WWOX: variants seen among roughly 807,000 people sequenced by gnomAD.
WWOX encodes the protein WW domain containing oxidoreductase.
In WWOX, 69 loss-of-function variants were observed where a neutral mutation model predicts 46.2. The observed-to-expected ratio is 1.49, with a 90% confidence interval of 1.23 to 1.82. The LOEUF is 1.82. WWOX is among the 40% of genes most tolerant of loss of function. The pLI is 0.00. For synonymous variants in WWOX, 359 were observed against 202.6 expected, an observed-to-expected ratio of 1.77 and a Z score of -6.56; for missense variants, 919 against 542.6, an observed-to-expected ratio of 1.69 and a Z score of -6.89.
intron 8 of WWOX, among the ~76,000 whole-genome samples, chr16:78,841,161 G>A (rs539366705): frequency 5.9e-5 from 9 of 152,122 alleles, no homozygotes; most frequent in South Asian, 2.1e-4. Flanking sequence ...GATACACAAC[G>A]TGCACTGGGT....
Position 78,484,368 on chromosome 16 carries a change from A to C in WWOX, c.1056+51616A>C, listed in dbSNP as rs180953285. Among the ~76,000 whole-genome samples, 359 of 152,206 alleles carry C rather than the reference A, an allele frequency of 2.4e-3. 1 individual carries two copies. The highest frequency in any genetic ancestry group is 2.6e-3 in the Non-Finnish European group (177 of 68,024). ...CAAGTATACCTATTCCCCAGAGTTT[A>C]CTTACAGTTTGCTATTGATCCAGCA... On this transcript the variant is annotated intron_variant, in intron 8 of 8. Coordinates refer to ENST00000566780, the MANE Select transcript of WWOX (RefSeq NM_016373.4).
intron 8 of WWOX, among the ~76,000 whole-genome samples, chr16:78,865,177 ATGTT>A (rs1265407842): frequency 6.6e-6 from 1 of 152,144 alleles, no homozygotes; most frequent in Non-Finnish European, 1.5e-5. Context: ...TAAAGGTTGT[ATGTT>A]TGTGCGATGG....
intron 8 of WWOX, among the ~76,000 whole-genome samples, chr16:78,492,269 C>G (rs1369367761): frequency 6.6e-6 from 1 of 152,194 alleles, no homozygotes; most frequent in African/African-American, 2.4e-5. Context: ...GACACTCATT[C>G]CGAAGGCGGG....
At chr16:79,126,032 G>C (rs1336358384) in intron 8 of WWOX, among the ~76,000 whole-genome samples, 1 of 152,118 alleles carries the variant, frequency 6.6e-6, no homozygotes, top group Non-Finnish European at 1.5e-5. Flanking sequence ...TGAATGAATG[G>C]ATAAACATGT....
chr16:78,993,533 G>A (rs552078310), intron 8 of WWOX, among the ~76,000 whole-genome samples: 6 of 152,274 alleles, frequency 3.9e-5, no homozygotes, highest in African/African-American at 1.4e-4. Flanking sequence ...CTCAAAGGAG[G>A]ACTATTACAG....
chr16:78,890,217 A>T (rs988012514), intron 8 of WWOX: 1 of 151,986 alleles, frequency 6.6e-6, no homozygotes, highest in Non-Finnish European at 1.5e-5. Flanking sequence ...CTATTCTTGA[A>T]ATGCAATTGC....
At chr16:78,391,019 G>A (rs564729837) in intron 6 of WWOX, among the ~76,000 whole-genome samples, 1 of 152,258 alleles carries the variant, frequency 6.6e-6, no homozygotes, top group African/African-American at 2.4e-5. Flanking sequence ...CTCCACACTG[G>A]GATAGGCAGC....
chr16:78,795,600 G>T (rs1209716836), intron 8 of WWOX, among the ~76,000 whole-genome samples: 1 of 152,136 alleles, frequency 6.6e-6, no homozygotes, highest in Non-Finnish European at 1.5e-5. Flanking sequence ...TGCTTTCTTG[G>T]AGCACCACGC....
intron 8 of WWOX, among the ~76,000 whole-genome samples, chr16:79,088,286 G>A (rs775754451): frequency 1.5e-4 from 23 of 152,170 alleles, no homozygotes; most frequent in Non-Finnish European, 3.1e-4. Flanking sequence ...AAGGGAGGAC[G>A]CAGAGCATTG....
At chr16:78,579,817 C>G (rs947959546) in intron 8 of WWOX, among the ~76,000 whole-genome samples, 1 of 152,126 alleles carries the variant, frequency 6.6e-6, no homozygotes, top group African/African-American at 2.4e-5. Flanking sequence ...ATACCTGGAA[C>G]ATGATGGTGC....
intron 1 of WWOX, among the ~76,000 whole-genome samples, chr16:78,107,409 C>T (rs76486101): frequency 0.019 from 2,868 of 152,314 alleles, 98 homozygotes; most frequent in African/African-American, 0.065. Context: ...TAACAGCTTA[C>T]ATTTCTCAGA....
intron 8 of WWOX, among the ~76,000 whole-genome samples, chr16:79,149,157 C>G (rs948536269): frequency 6.6e-6 from 1 of 152,098 alleles, no homozygotes; most frequent in Non-Finnish European, 1.5e-5. Context: ...AAATTTGATG[C>G]TAGCTGTAAA....
chr16:78,334,231 G>A (rs975311997), intron 5 of WWOX, among the ~76,000 whole-genome samples: 1 of 152,162 alleles, frequency 6.6e-6, no homozygotes, highest in Admixed American at 6.5e-5. Context: ...ACAAACTGCG[G>A]CTCGTACAAA....
At chr16:78,921,882 A>G (rs550553794) in intron 8 of WWOX, among the ~76,000 whole-genome samples, 13 of 152,330 alleles carry the variant, frequency 8.5e-5, no homozygotes, top group African/African-American at 3.1e-4. Context: ...CACTTAGCAG[A>G]AGCTATTGTA....
intron 8 of WWOX, among the ~76,000 whole-genome samples, chr16:78,854,928 A>C (rs1597725567): frequency 6.6e-6 from 1 of 151,310 alleles, no homozygotes; most frequent in African/African-American, 2.4e-5. Context: ...TTTTTTAACA[A>C]AACTTTAAAA....
chr16:78,375,496 G>C (rs1198812618), intron 5 of WWOX, among the ~76,000 whole-genome samples: 1 of 152,210 alleles, frequency 6.6e-6, no homozygotes, highest in East Asian at 1.9e-4. Context: ...GCTATTGACT[G>C]TGCATCAGGT....
intron 8 of WWOX, among the ~76,000 whole-genome samples, chr16:78,641,437 C>T (rs2046708576): frequency 6.6e-6 from 1 of 152,080 alleles, no homozygotes; most frequent in Non-Finnish European, 1.5e-5. Context: ...ACTGGCGAGT[C>T]AGAAAGCAGC....
chr16:78,670,186 C>T (rs2047426413), intron 8 of WWOX, among the ~76,000 whole-genome samples: 1 of 152,266 alleles, frequency 6.6e-6, no homozygotes, highest in Admixed American at 6.5e-5. Context: ...CTTTCACCAG[C>T]AGGTCCAGCT....
At chr16:78,926,290 C>T (rs368115502) in intron 8 of WWOX, among the ~76,000 whole-genome samples, 1 of 151,880 alleles carries the variant, frequency 6.6e-6, no homozygotes, top group Non-Finnish European at 1.5e-5. Context: ...GGAGGATATC[C>T]TGAGCCCAGG....
Sources: gnomAD v4.1 joint callset for allele counts (sites outside exome capture counted in the v4.1 genomes callset) on GRCh38, gnomAD v4.1.1 for gene constraint, MANE v1.5 for transcripts, NCBI Gene and HGNC (gene_info 2026-07-23, HGNC 2026-07-21) for gene names.